FHIT: variants seen among roughly 807,000 people sequenced by gnomAD.
FHIT encodes the protein bis(5'-adenosyl)-triphosphatase.
A neutral mutation model predicts 17.9 loss-of-function variants in FHIT; 19 were observed. The observed-to-expected ratio is 1.06, with a 90% CI of 0.74 to 1.56. The LOEUF (loss-of-function observed/expected upper bound fraction) is 1.56. FHIT is among the 40% of genes most tolerant of loss of function. The pLI, the probability that FHIT is intolerant of heterozygous loss-of-function variation, is 0.00. For synonymous variants in FHIT, 81 were observed against 69.7 expected, an observed-to-expected ratio of 1.16 and a Z score of -0.81; for missense variants, 248 against 189.2, an observed-to-expected ratio of 1.31 and a Z score of -1.82.
chr3:60,020,780 G>C (rs1212927644), intron 5 of FHIT, among the ~76,000 whole-genome samples: 1 of 152,146 alleles, frequency 6.6e-6, no homozygotes, highest in Admixed American at 6.5e-5. Context: ...TACTTTTCAA[G>C]AAAATATTCA....
At chr3:61,040,831 G>A (rs932104473) in intron 3 of FHIT, among the ~76,000 whole-genome samples, 1 of 152,180 alleles carries the variant, frequency 6.6e-6, no homozygotes, top group African/African-American at 2.4e-5. Flanking sequence ...TTCCCCCGAT[G>A]GAAACTCTTT....
chr3:60,897,981 G>C (rs1705917309), intron 3 of FHIT, among the ~76,000 whole-genome samples: 1 of 151,964 alleles, frequency 6.6e-6, no homozygotes, highest in Non-Finnish European at 1.5e-5. Context: ...AATAATCCAT[G>C]TTTATTTTAG....
intron 4 of FHIT, among the ~76,000 whole-genome samples, chr3:60,635,453 T>C (rs1163616610): frequency 6.6e-6 from 1 of 152,222 alleles, no homozygotes. Flanking sequence ...GCCGTTTTCT[T>C]GCACATAAAC....
intron 4 of FHIT, among the ~76,000 whole-genome samples, chr3:60,794,343 T>C (rs544584835): frequency 6.6e-6 from 1 of 152,004 alleles, no homozygotes; most frequent in African/African-American, 2.4e-5. Context: ...ATTAGACAGA[T>C]AAATGCAAAG....
At chr3:60,495,058 T>C (rs1402746986) in intron 5 of FHIT, among the ~76,000 whole-genome samples, 1 of 152,164 alleles carries the variant, frequency 6.6e-6, no homozygotes, top group African/African-American at 2.4e-5. Context: ...ACTGTTCTCC[T>C]TAGTGGCTGT....
chr3:60,750,516 G>T (rs921674436), intron 4 of FHIT, among the ~76,000 whole-genome samples: 2 of 152,134 alleles, frequency 1.3e-5, no homozygotes, highest in African/African-American at 2.4e-5. Flanking sequence ...AGTCTCACAA[G>T]ATCTGATGGT....
chr3:60,266,917 C>A (rs1010144614), intron 5 of FHIT, among the ~76,000 whole-genome samples: 2 of 152,044 alleles, frequency 1.3e-5, no homozygotes, highest in Non-Finnish European at 2.9e-5. Flanking sequence ...AAAATTATTA[C>A]ATCCAGAGAA....
intron 5 of FHIT, among the ~76,000 whole-genome samples, chr3:60,483,440 G>T (rs1173153691): frequency 6.6e-6 from 1 of 152,142 alleles, no homozygotes; most frequent in Non-Finnish European, 1.5e-5. Flanking sequence ...TAAAATACTG[G>T]CAAACCAAAT....
At chr3:61,213,321 C>A (rs1383747014) in intron 1 of FHIT, among the ~76,000 whole-genome samples, 1 of 152,024 alleles carries the variant, frequency 6.6e-6, no homozygotes, top group Non-Finnish European at 1.5e-5. Context: ...ATCTACCCAG[C>A]AAATGGAAAA....
chr3:60,062,221 G>A (rs902759734), intron 5 of FHIT, among the ~76,000 whole-genome samples: 5 of 152,074 alleles, frequency 3.3e-5, no homozygotes, highest in Non-Finnish European at 7.4e-5. Context: ...AATTAGACAT[G>A]GCCTTCTTCT....
intron 3 of FHIT, among the ~76,000 whole-genome samples, chr3:61,005,395 C>T (rs55758138): frequency 0.071 from 10,781 of 151,880 alleles, 531 homozygotes; most frequent in Middle Eastern, 0.11. Flanking sequence ...TGAGGAGGAG[C>T]AGGATGATAA....
At chr3:59,809,194 TG>T (rs1242753859) in intron 8 of FHIT, among the ~76,000 whole-genome samples, 4 of 152,026 alleles carry the variant, frequency 2.6e-5, no homozygotes, top group Admixed American at 2.6e-4. Context: ...AAAGAGGTCT[TG>T]GGAGATGTTA....
chr3:60,778,178 T>C (rs1220992240), intron 4 of FHIT, among the ~76,000 whole-genome samples: 2 of 152,228 alleles, frequency 1.3e-5, no homozygotes, highest in Non-Finnish European at 2.9e-5. Flanking sequence ...TCTGAGTATA[T>C]GCTATCAACC....
intron 5 of FHIT, among the ~76,000 whole-genome samples, chr3:60,343,420 A>T (rs967935726): frequency 6.6e-6 from 1 of 152,142 alleles, no homozygotes; most frequent in Non-Finnish European, 1.5e-5. Flanking sequence ...CAGCTATTTA[A>T]GTATAGCTCA....
chr3:60,169,400 G>A (rs966643266), intron 5 of FHIT, among the ~76,000 whole-genome samples: 1 of 152,128 alleles, frequency 6.6e-6, no homozygotes, highest in African/African-American at 2.4e-5. Flanking sequence ...AAGCATGTTG[G>A]CTAATTTATA....
At chr3:60,005,197 A>G (rs1418815908) in intron 7 of FHIT, among the ~76,000 whole-genome samples, 1 of 152,208 alleles carries the variant, frequency 6.6e-6, no homozygotes. Context: ...TTGAATGAAC[A>G]GGGAAAAAGT....
At chr3:60,608,760 G>C (rs539622660) in intron 4 of FHIT, among the ~76,000 whole-genome samples, 2 of 152,004 alleles carry the variant, frequency 1.3e-5, no homozygotes, top group Admixed American at 6.6e-5. Context: ...TATGAACATC[G>C]TTATTTGGTT....
chr3:61,102,098 A>C (rs899322194), intron 2 of FHIT, among the ~76,000 whole-genome samples: 1 of 152,186 alleles, frequency 6.6e-6, no homozygotes, highest in Non-Finnish European at 1.5e-5. Context: ...TATATTGAAT[A>C]GGAGTGGTGA....
At chr3:59,870,538 T>C (rs9827718) in intron 8 of FHIT, among the ~76,000 whole-genome samples, 4,028 of 152,308 alleles carry the variant, frequency 0.026, 164 homozygotes, top group African/African-American at 0.091. Flanking sequence ...TGGCTCCTTT[T>C]GGCAGTGGTG....
Sources: gnomAD v4.1 joint callset for allele counts (sites outside exome capture counted in the v4.1 genomes callset) on GRCh38, gnomAD v4.1.1 for gene constraint, MANE v1.5 for transcripts, NCBI Gene and HGNC (gene_info 2026-07-23, HGNC 2026-07-21) for gene names.